The following FBXL17 variants were observed in gnomAD, a reference collection of about 807,000 sequenced individuals.
The protein encoded by FBXL17 is F-box/LRR-repeat protein 17.
In FBXL17, 22 loss-of-function variants were observed where a neutral mutation model predicts 66.2. The ratio of observed to expected loss-of-function variants is 0.33; its 90% CI spans 0.24 to 0.47. The LOEUF is 0.47. FBXL17 is among the 20% of genes least tolerant of loss of function. The probability of loss-of-function intolerance (pLI) is 1.00; values close to 1 mark genes in which losing one functional copy is unlikely to be tolerated. For synonymous variants in FBXL17, 474 were observed against 400.5 expected, an observed-to-expected ratio of 1.18 and a Z score of -2.19; for missense variants, 878 against 948.2, an observed-to-expected ratio of 0.93 and a Z score of 0.97.
chr5:107,875,109 T>TC (rs1748579714), intron 8 of FBXL17, among the ~76,000 whole-genome samples: 1 of 143,036 alleles, frequency 7.0e-6, no homozygotes, highest in African/African-American at 2.7e-5. Flanking sequence ...CTCTCTCTCT[T>TC]TTTTTTTTTT....
chr5:107,879,730 A>T, intron 8 of FBXL17: 1 of 985,416 alleles, frequency 1.0e-6, no homozygotes, highest in Non-Finnish European at 1.2e-6. Flanking sequence ...ATTTTGCTAG[A>T]TTTGTTCCTA....
At chr5:108,299,728 G>A in intron 4 of FBXL17, 1 of 984,946 alleles carries the variant, frequency 1.0e-6, no homozygotes, top group Non-Finnish European at 1.2e-6. Context: ...CCCTAGGTAA[G>A]TTATCCACTC....
intron 4 of FBXL17, among the ~76,000 whole-genome samples, chr5:108,284,389 T>C (rs1426529543): frequency 6.6e-6 from 1 of 151,928 alleles, no homozygotes; most frequent in East Asian, 1.9e-4. Flanking sequence ...GAATAAAATG[T>C]CTTTTGCAGC....
chr5:108,306,998 C>A (rs1052816329), intron 4 of FBXL17, among the ~76,000 whole-genome samples: 1 of 151,900 alleles, frequency 6.6e-6, no homozygotes, highest in Non-Finnish European at 1.5e-5. Context: ...TTATGATATA[C>A]ATTATCTTTA....
At chr5:108,352,569 G>A (rs1747720998) in intron 3 of FBXL17, among the ~76,000 whole-genome samples, 1 of 152,170 alleles carries the variant, frequency 6.6e-6, no homozygotes, top group African/African-American at 2.4e-5. Flanking sequence ...GGAGTGCAGT[G>A]GTGTGATCTC....
intron 7 of FBXL17, among the ~76,000 whole-genome samples, chr5:107,893,458 A>G (rs1749268568): frequency 6.6e-6 from 1 of 152,216 alleles, no homozygotes; most frequent in African/African-American, 2.4e-5. Flanking sequence ...AGAAGGGCCT[A>G]GAAGTGTGTT....
At chr5:108,180,625 C>T (rs943396832) in intron 6 of FBXL17, among the ~76,000 whole-genome samples, 3 of 152,046 alleles carry the variant, frequency 2.0e-5, no homozygotes, top group Non-Finnish European at 4.4e-5. Flanking sequence ...GGATAACAGT[C>T]TAAGATTTAA....
At chr5:108,256,499 A>AT in intron 4 of FBXL17, among the ~76,000 whole-genome samples, 1 of 152,026 alleles carries the variant, frequency 6.6e-6, no homozygotes, top group Non-Finnish European at 1.5e-5. Flanking sequence ...AGAGGTAAAC[A>AT]TTTTCAGTTC....
At chr5:107,940,151 C>A (rs1751043961) in intron 7 of FBXL17, among the ~76,000 whole-genome samples, 1 of 152,084 alleles carries the variant, frequency 6.6e-6, no homozygotes, top group Admixed American at 6.6e-5. Flanking sequence ...GGTCACAAAA[C>A]CAGTAAGTGG....
In FBXL17 at chr5:108,369,109, T is replaced by C. The variant is rs1329781923; in HGVS notation, c.994-1156A>G. Among the ~76,000 whole-genome samples the C allele has an allele frequency of 2.0e-5, 3 of 152,206 alleles. No individual in the cohort carries two copies. The East Asian group carries it at 5.8e-4, about 29-fold the overall frequency. ...CATCCCTCTGCTCACCTAAGACAAA[T>C]GCATATCTGATTGCTTCCTCTGCCA... On this transcript the variant is annotated intron_variant, in intron 1 of 8. Transcript: ENST00000542267.
At chr5:108,215,719 C>CT (rs1308247174) in intron 5 of FBXL17, among the ~76,000 whole-genome samples, 3 of 151,870 alleles carry the variant, frequency 2.0e-5, no homozygotes, top group Non-Finnish European at 4.4e-5. Flanking sequence ...TACAATTTAC[C>CT]TTTTTTTTCT....
At chr5:108,373,992 C>A (rs1015477862) in intron 1 of FBXL17, among the ~76,000 whole-genome samples, 1 of 152,078 alleles carries the variant, frequency 6.6e-6, no homozygotes, top group Non-Finnish European at 1.5e-5. Context: ...ACAAGAGACT[C>A]AATTTAGATC....
intron 4 of FBXL17, among the ~76,000 whole-genome samples, chr5:108,251,984 T>C (rs973602995): frequency 2.0e-5 from 3 of 152,104 alleles, no homozygotes; most frequent in South Asian, 2.1e-4. Flanking sequence ...CAAACAATGA[T>C]ATAATGAACA....
At chr5:108,280,841 C>T (rs567296976) in intron 4 of FBXL17, among the ~76,000 whole-genome samples, 1 of 150,816 alleles carries the variant, frequency 6.6e-6, no homozygotes, top group Non-Finnish European at 1.5e-5. Context: ...TCCACACAAA[C>T]GTAAATCAAA....
chr5:108,268,393 T>A (rs1425523200), intron 4 of FBXL17, among the ~76,000 whole-genome samples: 1 of 152,010 alleles, frequency 6.6e-6, no homozygotes, highest in Non-Finnish European at 1.5e-5. Flanking sequence ...AGTATAAGAT[T>A]TAAAGGCAAA....
At chr5:107,907,269 A>T (rs1295765267) in intron 7 of FBXL17, among the ~76,000 whole-genome samples, 1 of 152,164 alleles carries the variant, frequency 6.6e-6, no homozygotes, top group African/African-American at 2.4e-5. Flanking sequence ...AGTGACAATG[A>T]TCTAAATGGG....
chr5:108,185,247 A>T (rs1187046358), intron 6 of FBXL17, among the ~76,000 whole-genome samples: 6 of 152,170 alleles, frequency 3.9e-5, no homozygotes, highest in Non-Finnish European at 1.5e-5. Flanking sequence ...TTCCCAGCCA[A>T]ATCTCATGTC....
intron 4 of FBXL17, among the ~76,000 whole-genome samples, chr5:108,265,360 T>C (rs1175749353): frequency 6.6e-6 from 1 of 152,116 alleles, no homozygotes; most frequent in Admixed American, 6.5e-5. Flanking sequence ...CAATTAATCA[T>C]ATACATTTTC....
At chr5:107,885,016 C>A (rs369774799) in intron 7 of FBXL17, among the ~76,000 whole-genome samples, 71 of 152,284 alleles carry the variant, frequency 4.7e-4, no homozygotes, top group African/African-American at 1.6e-3. Flanking sequence ...CTTGAACTGC[C>A]TACTCTCTAT....
Sources: allele counts gnomAD v4.1 joint callset (sites outside exome capture counted in the v4.1 genomes callset), GRCh38; gene constraint gnomAD v4.1.1; transcripts MANE v1.5; gene names NCBI Gene and HGNC (gene_info 2026-07-23, HGNC 2026-07-21).